Variants in SDK1 observed in about 807,000 individuals in gnomAD.
SDK1 encodes sidekick cell adhesion molecule 1.
In SDK1, 157 loss-of-function variants were observed where a neutral mutation model predicts 245.5. The observed-to-expected ratio is 0.64, with a 90% CI of 0.56 to 0.73. The LOEUF is 0.73. Among genes scored for constraint, SDK1 ranks in the 30% least tolerant of loss-of-function variants. SDK1 has a pLI of 0.00. For synonymous variants in SDK1, 1,647 were observed against 1,278.5 expected, an observed-to-expected ratio of 1.29 and a Z score of -6.15; for missense variants, 3,583 against 3,002.3, an observed-to-expected ratio of 1.19 and a Z score of -4.52.
intron 5 of SDK1, among the ~76,000 whole-genome samples, chr7:3,831,582 G>T (rs1779913883): frequency 6.6e-6 from 1 of 152,096 alleles, no homozygotes; most frequent in Non-Finnish European, 1.5e-5. Flanking sequence ...TCATAACATG[G>T]TATTTTTGCT....
At position 3,744,263 on chromosome 7, in the gene SDK1, G is replaced by A. The variant is rs188398808; in HGVS notation, c.714-77187G>A. 5.3e-5 allele frequency among the ~76,000 whole-genome samples: 8 copies of A among 151,140 alleles called. 1 individual carries two copies. Among genetic ancestry groups the A allele is most frequent in the East Asian group, 2.0e-4 (1 of 5,106 alleles). On this transcript the variant is annotated intron_variant, in intron 4 of 44. Coordinates refer to ENST00000404826, the MANE Select transcript of SDK1 (RefSeq NM_152744.4). The stretch of plus-strand genomic sequence containing the variant: ...TCCCCCCATCTCTCCAATTACTGCC[G>A]AACCCCTTACGATACTTTGACTTTC...
At chr7:3,426,150 C>G (rs1055032288) in intron 1 of SDK1, among the ~76,000 whole-genome samples, 2 of 152,210 alleles carry the variant, frequency 1.3e-5, no homozygotes, top group East Asian at 1.9e-4. Context: ...GCAGTTGATT[C>G]CGTGTTTTTT....
At chr7:3,690,637 C>T (rs1231395632) in intron 4 of SDK1, among the ~76,000 whole-genome samples, 1 of 152,146 alleles carries the variant, frequency 6.6e-6, no homozygotes, top group Non-Finnish European at 1.5e-5. Context: ...ACCAGGAAGA[C>T]ATCACACAAT....
intron 17 of SDK1, among the ~76,000 whole-genome samples, chr7:4,036,553 T>C (rs187791627): frequency 6.6e-6 from 1 of 152,326 alleles, no homozygotes; most frequent in African/African-American, 2.4e-5. Flanking sequence ...TTTGAATCCA[T>C]ACATTTTACA....
At chr7:3,829,457 C>G (rs974912397) in intron 5 of SDK1, among the ~76,000 whole-genome samples, 4 of 152,154 alleles carry the variant, frequency 2.6e-5, no homozygotes, top group African/African-American at 9.7e-5. Flanking sequence ...ACAATCAACT[C>G]TGTTTCAAAG....
intron 1 of SDK1, among the ~76,000 whole-genome samples, chr7:3,414,226 G>A (rs911991127): frequency 6.6e-6 from 1 of 152,172 alleles, no homozygotes; most frequent in Non-Finnish European, 1.5e-5. Context: ...GAAGAGACAA[G>A]GTTGGGGTGC....
At chr7:4,141,347 C>T (rs898354340) in intron 28 of SDK1, among the ~76,000 whole-genome samples, 9 of 152,328 alleles carry the variant, frequency 5.9e-5, no homozygotes, top group African/African-American at 2.2e-4. Flanking sequence ...ATCCTGTGAT[C>T]CACAAGGAGT....
chr7:4,010,792 G>A (rs1308821072), intron 14 of SDK1, among the ~76,000 whole-genome samples, 174 bp from the exon 15 acceptor site: 2 of 152,182 alleles, frequency 1.3e-5, no homozygotes, highest in African/African-American at 4.8e-5. Context: ...TAAGTTACTA[G>A]CCACATGGCC....
At chr7:3,969,546 AT>A in intron 11 of SDK1, 122 bp downstream of exon 11, 1 of 637,642 alleles carries the variant, frequency 1.6e-6, no homozygotes. Context: ...GAGAATGATT[AT>A]TTTTACAACT....
chr7:3,792,820 G>A (rs769372917), intron 4 of SDK1, among the ~76,000 whole-genome samples: 1 of 152,006 alleles, frequency 6.6e-6, no homozygotes, highest in Non-Finnish European at 1.5e-5. Flanking sequence ...TCTCACTCTT[G>A]AGCTTGTTGA....
chr7:3,753,238 C>T lies in SDK1; in HGVS notation c.714-68212C>T, dbSNP rs977445357. 1.4e-4 allele frequency among the ~76,000 whole-genome samples: 21 copies of T among 152,094 alleles called. 1 individual carries two copies. The highest frequency in any genetic ancestry group is 8.8e-5 in the Non-Finnish European group (6 of 68,026). ...ATGTATGGAAATAAAAATTATAAAC[C>T]CTCTTCATTTTATGAACCTTATTTT... On this transcript the variant is annotated intron_variant, in intron 4 of 44. Coordinates refer to ENST00000404826, the MANE Select transcript of SDK1 (RefSeq NM_152744.4).
At chr7:3,308,972 T>C (rs1268299249) in intron 1 of SDK1, among the ~76,000 whole-genome samples, 1 of 152,128 alleles carries the variant, frequency 6.6e-6, no homozygotes, top group African/African-American at 2.4e-5. Context: ...GTTGCCTTTA[T>C]TAAGAATAGT....
chr7:3,521,903 T>A (rs571923349), intron 1 of SDK1, among the ~76,000 whole-genome samples: 2 of 152,126 alleles, frequency 1.3e-5, no homozygotes, highest in Admixed American at 1.3e-4. Flanking sequence ...GATAGTAATA[T>A]AGGAAATAAG....
In SDK1 at chr7:3,474,086, A is replaced by G. The variant is rs1296833130; in HGVS notation, c.299-144994A>G. Among the ~76,000 whole-genome samples, 3 of 109,756 alleles carry G rather than the reference A, an allele frequency of 2.7e-5. 1 individual carries two copies. The highest frequency in any genetic ancestry group is 9.6e-5 in the Admixed American group (1 of 10,408). 72.0% of individuals were successfully genotyped at this position (109,756 alleles called of 152,430 possible). A position where few individuals can be genotyped will look rare whatever the true frequency, so the allele number is the denominator to read the frequency against. ...CCTGTCAACTTGACATCTCTACCAGATGGTGTTTTTTTTTTTTTTTTTTTT... is the reference window on the plus strand; with the variant it reads ...CCTGTCAACTTGACATCTCTACCAGGTGGTGTTTTTTTTTTTTTTTTTTTT... On this transcript the variant is annotated intron_variant, in intron 1 of 44. Transcript: ENST00000404826.
At chr7:3,495,520 A>G (rs546498353) in intron 1 of SDK1, among the ~76,000 whole-genome samples, 116 of 152,196 alleles carry the variant, frequency 7.6e-4, no homozygotes, top group African/African-American at 2.4e-3. Context: ...CAGCCTCCCA[A>G]AGTGCTGGGA....
rs373521571 is a variant in SDK1, at chr7:3,830,413, A to G, written c.847+8830A>G. On this transcript the variant is annotated intron_variant, in intron 5 of 44. Coordinates refer to ENST00000404826, the MANE Select transcript of SDK1 (RefSeq NM_152744.4). ...CTTGTTAAATGTCTCAATTTAAATT[A>G]TTATATTCAGATATTTAAGCATAAG... Among the ~76,000 whole-genome samples the G allele has an allele frequency of 5.6e-3, 847 of 151,410 alleles. 7 individuals are homozygous for G. Among genetic ancestry groups the G allele is most frequent in the African/African-American group, 0.02 (809 of 40,726 alleles).
chr7:3,656,747 T>G (rs1783197785), intron 4 of SDK1, among the ~76,000 whole-genome samples: 1 of 150,652 alleles, frequency 6.6e-6, no homozygotes, highest in Admixed American at 6.6e-5. Flanking sequence ...ATCTTTTTTT[T>G]TTTTTTTTTT....
chr7:4,156,514 G>A (rs537198359), intron 30 of SDK1, among the ~76,000 whole-genome samples: 4 of 152,282 alleles, frequency 2.6e-5, no homozygotes, highest in South Asian at 2.1e-4. Flanking sequence ...CAGGGACTGG[G>A]AAGTACCAAG....
intron 1 of SDK1, among the ~76,000 whole-genome samples, chr7:3,602,990 A>T (rs577054272): frequency 2.0e-5 from 3 of 152,242 alleles, no homozygotes; most frequent in Admixed American, 2.0e-4. Context: ...ATAGTTGTAG[A>T]TATACATGCA....
Sources: allele counts gnomAD v4.1 joint callset (sites outside exome capture counted in the v4.1 genomes callset), GRCh38; gene constraint gnomAD v4.1.1; transcripts MANE v1.5; gene names NCBI Gene and HGNC (gene_info 2026-07-23, HGNC 2026-07-21).